Variants in BLTP3B observed in about 807,000 individuals in gnomAD.
The protein encoded by BLTP3B is UHRF1 (ICBP90) binding protein 1-like.
At chr12:100,061,614 G>A in the BLTP3B span, among the ~76,000 whole-genome samples, 16 of 140,322 alleles carry the variant, frequency 1.1e-4, no homozygotes, top group African/African-American at 3.3e-4. Flanking sequence ...CCGAGATCGC[G>A]CCACTGCACT....
the BLTP3B span, chr12:100,142,459 C>G: frequency 2.0e-6 from 2 of 993,514 alleles, no homozygotes; most frequent in Non-Finnish European, 2.9e-6. Context: ...ACCTCTGCCC[C>G]GGCCAGAGCG....
At chr12:100,119,331 A>G in the BLTP3B span, among the ~76,000 whole-genome samples, 20 of 152,290 alleles carry the variant, frequency 1.3e-4, no homozygotes, top group Admixed American at 2.6e-4. Flanking sequence ...ATATTAGTGG[A>G]TTAAACTCAA....
the BLTP3B span, among the ~76,000 whole-genome samples, chr12:100,140,746 AT>A: frequency 7.4e-6 from 1 of 135,372 alleles, no homozygotes; most frequent in African/African-American, 2.9e-5. Flanking sequence ...ATATATATAT[AT>A]ATATATAAAA....
chr12:100,063,329 G>A, the BLTP3B span, among the ~76,000 whole-genome samples: 1 of 152,154 alleles, frequency 6.6e-6, no homozygotes, highest in South Asian at 2.1e-4. Flanking sequence ...CCCAGAGCCT[G>A]GTAGACTTGC....
chr12:100,058,348 CACTTA>C, the BLTP3B span: 6 of 1,613,560 alleles, frequency 3.7e-6, no homozygotes, highest in Non-Finnish European at 5.1e-6. Flanking sequence ...CTTTCATCTT[CACTTA>C]TTTTCCCTAA....
the BLTP3B span, among the ~76,000 whole-genome samples, chr12:100,106,066 C>T: frequency 6.6e-6 from 1 of 152,008 alleles, no homozygotes; most frequent in Non-Finnish European, 1.5e-5. Flanking sequence ...TCGATGTTGG[C>T]ATGGAAGTGA....
chr12:100,060,100 T>G, the BLTP3B span: 1 of 1,325,764 alleles, frequency 7.5e-7, no homozygotes, highest in South Asian at 1.7e-5. Flanking sequence ...AAATCTTCCC[T>G]GAGAACAAAA....
At chr12:100,140,985 G>A in the BLTP3B span, among the ~76,000 whole-genome samples, 1 of 151,718 alleles carries the variant, frequency 6.6e-6, no homozygotes, top group African/African-American at 2.4e-5. Context: ...AGTGGTACTA[G>A]CTATGCAGCA....
chr12:100,058,003 TA>T, the BLTP3B span: 1 of 1,534,258 alleles, frequency 6.5e-7, no homozygotes, highest in South Asian at 1.3e-5. Context: ...AATTAATTTT[TA>T]AAAAGGCCAA....
the BLTP3B span, among the ~76,000 whole-genome samples, chr12:100,079,940 G>T: frequency 6.6e-6 from 1 of 152,330 alleles, no homozygotes; most frequent in South Asian, 2.1e-4. Flanking sequence ...CCCCAACCCT[G>T]GCAGCTTCCA....
chr12:100,066,018 T>C, the BLTP3B span, among the ~76,000 whole-genome samples: 1 of 152,120 alleles, frequency 6.6e-6, no homozygotes, highest in Non-Finnish European at 1.5e-5. Context: ...CTTTGTACTC[T>C]TTCTCTTTAT....
the BLTP3B span, among the ~76,000 whole-genome samples, chr12:100,049,549 C>G: frequency 6.6e-6 from 1 of 152,082 alleles, no homozygotes; most frequent in African/African-American, 2.4e-5. Flanking sequence ...GCTCTTGAAT[C>G]TTGTATTCCA....
At chr12:100,044,079 G>GT in the BLTP3B span, among the ~76,000 whole-genome samples, 2 of 151,896 alleles carry the variant, frequency 1.3e-5, no homozygotes. Context: ...TTTTCTGTTT[G>GT]TTTGTTTTGT....
At chr12:100,057,928 T>C in the BLTP3B span, 84 of 1,383,044 alleles carry the variant, frequency 6.1e-5, no homozygotes, top group Non-Finnish European at 7.5e-5. Context: ...CAATGCCATA[T>C]TTTGTCATGA....
chr12:100,052,081 T>C, the BLTP3B span, among the ~76,000 whole-genome samples: 33 of 151,776 alleles, frequency 2.2e-4, no homozygotes, highest in African/African-American at 7.7e-4. Flanking sequence ...TTTTTTTTTT[T>C]TTAGATGGAG....
At chr12:100,111,607 G>GTTTGT in the BLTP3B span, among the ~76,000 whole-genome samples, 16 of 151,084 alleles carry the variant, frequency 1.1e-4, no homozygotes, top group Admixed American at 8.6e-4. Flanking sequence ...TTTTTTGTTT[G>GTTTGT]TTTGTTTTGT....
chr12:100,067,849 C>T, the BLTP3B span, among the ~76,000 whole-genome samples: 223 of 152,178 alleles, frequency 1.5e-3, 1 homozygote, highest in African/African-American at 4.8e-3. Context: ...AAGTCATAGA[C>T]GACACAAACG....
At chr12:100,039,864 T>C in the BLTP3B span, 2 of 1,365,682 alleles carry the variant, frequency 1.5e-6, no homozygotes, top group Non-Finnish European at 2.0e-6. Flanking sequence ...ATTGTGAAAA[T>C]CTAATTTAAA....
the BLTP3B span, among the ~76,000 whole-genome samples, chr12:100,083,302 T>C: frequency 0.055 from 8,392 of 152,294 alleles, 293 homozygotes; most frequent in South Asian, 0.071. Flanking sequence ...ATGTAAGTTA[T>C]TGTGATGATT....
Sources: gnomAD v4.1 joint callset for allele counts (sites outside exome capture counted in the v4.1 genomes callset) on GRCh38, gnomAD v4.1.1 for gene constraint, MANE v1.5 for transcripts, NCBI Gene and HGNC (gene_info 2026-07-23, HGNC 2026-07-21) for gene names.